The following CMSS1 variants were observed in gnomAD, a reference collection of about 807,000 sequenced individuals.
CMSS1 encodes the protein protein CMSS1.
CMSS1 carries 33 observed loss-of-function variants against 43.5 expected under a neutral mutation model. That is an observed-to-expected ratio of 0.76 (90% CI 0.57 to 1.01). CMSS1 has a LOEUF of 1.01. CMSS1 is among the 50% of genes least tolerant of loss of function. The probability of loss-of-function intolerance (pLI) is 0.00; values close to 1 mark genes in which losing one functional copy is unlikely to be tolerated. For synonymous variants in CMSS1, 115 were observed against 117.2 expected, an observed-to-expected ratio of 0.98 and a Z score of 0.12; for missense variants, 313 against 326.4, an observed-to-expected ratio of 0.96 and a Z score of 0.32.
In CMSS1 at chr3:100,043,424, C is replaced by T. The variant is rs146389850; in HGVS notation, c.65-103549C>T. Among the ~76,000 whole-genome samples, 523 of 152,302 alleles carry T rather than the reference C, an allele frequency of 3.4e-3. 3 individuals are homozygous for T. The highest frequency in any genetic ancestry group is 0.012 in the African/African-American group (481 of 41,560). ...TTGAGGCTTATAGCAGCTCAGCAGT[C>T]TCTAAGGTCTCTTTTCCCTCATCCA... On this transcript the variant is annotated intron_variant, in intron 1 of 9. Coordinates refer to ENST00000421999, the MANE Select transcript of CMSS1 (RefSeq NM_032359.4).
At chr3:100,091,500 T>C (rs1488706729) in intron 1 of CMSS1, among the ~76,000 whole-genome samples, 1 of 152,224 alleles carries the variant, frequency 6.6e-6, no homozygotes, top group East Asian at 1.9e-4. Context: ...TGCTGATAAA[T>C]GCTTTGCAGC....
intron 1 of CMSS1, among the ~76,000 whole-genome samples, chr3:99,997,542 A>C (rs1351341065): frequency 1.3e-5 from 2 of 152,148 alleles, no homozygotes; most frequent in African/African-American, 4.8e-5. Flanking sequence ...AAGCTTTTTC[A>C]ATTTTGCCAG....
intron 1 of CMSS1, among the ~76,000 whole-genome samples, chr3:100,116,564 G>T (rs1161299425): frequency 6.6e-6 from 1 of 152,226 alleles, no homozygotes; most frequent in Admixed American, 6.5e-5. Context: ...AAGATCTGGG[G>T]ATTGCGTGAG....
intron 1 of CMSS1, chr3:99,849,691 C>T (rs1576509945): frequency 6.2e-7 from 1 of 1,613,452 alleles, no homozygotes; most frequent in Non-Finnish European, 8.5e-7. Flanking sequence ...ATTAGCATAC[C>T]TTCGTTCTAG....
At chr3:99,921,346 C>G (rs1022689214) in intron 1 of CMSS1, among the ~76,000 whole-genome samples, 2 of 152,298 alleles carry the variant, frequency 1.3e-5, no homozygotes, top group East Asian at 1.9e-4. Flanking sequence ...TTTAATACTA[C>G]TTTGATGCAC....
chr3:100,013,930 T>C (rs979456521), intron 1 of CMSS1, among the ~76,000 whole-genome samples: 5 of 152,148 alleles, frequency 3.3e-5, no homozygotes, highest in African/African-American at 1.2e-4. Flanking sequence ...ACTGAAACTG[T>C]GTACCCTTTG....
chr3:99,952,043 C>T (rs888840441), intron 1 of CMSS1, among the ~76,000 whole-genome samples: 3 of 152,176 alleles, frequency 2.0e-5, no homozygotes, highest in South Asian at 2.1e-4. Context: ...TCCAGTGGAC[C>T]ATATGTAACT....
intron 1 of CMSS1, among the ~76,000 whole-genome samples, chr3:100,110,579 T>TA (rs910628552): frequency 6.6e-6 from 1 of 151,986 alleles, no homozygotes; most frequent in Non-Finnish European, 1.5e-5. Context: ...AGGAAGAACG[T>TA]AAAAAAAGAA....
chr3:99,937,021 T>A (rs1482592637), intron 1 of CMSS1, among the ~76,000 whole-genome samples: 1 of 152,156 alleles, frequency 6.6e-6, no homozygotes, highest in East Asian at 1.9e-4. Context: ...CACTGCAACC[T>A]CTGCCTCCAG....
intron 1 of CMSS1, among the ~76,000 whole-genome samples, chr3:100,135,422 C>A (rs2066743391): frequency 1.4e-5 from 2 of 138,192 alleles, no homozygotes; most frequent in Admixed American, 1.5e-4. Context: ...CCTGAGGAGC[C>A]TTTGTGTGTG....
intron 1 of CMSS1, among the ~76,000 whole-genome samples, chr3:100,135,393 C>G (rs2066743215): frequency 6.6e-6 from 1 of 151,156 alleles, no homozygotes; most frequent in Admixed American, 6.6e-5. Flanking sequence ...ACCTAAACCC[C>G]TGATGTGGAC....
chr3:100,101,389 G>A (rs2107457500), intron 1 of CMSS1, among the ~76,000 whole-genome samples: 1 of 152,280 alleles, frequency 6.6e-6, no homozygotes, highest in Middle Eastern at 3.4e-3. Flanking sequence ...GGGAGGAGCA[G>A]TCCAGCTTTG....
Position 99,924,178 on chromosome 3 carries a change from G to A in CMSS1, c.64+106135G>A, listed in dbSNP as rs1576575886. On this transcript the variant is annotated intron_variant, in intron 1 of 9. Transcript: ENST00000421999. ...TTGTATCCCTGAGACCTGGTACAGTGGCCAGCTCATAGATTGCAGAATGGG... is the reference window on the plus strand; with the variant it reads ...TTGTATCCCTGAGACCTGGTACAGTAGCCAGCTCATAGATTGCAGAATGGG... The A allele has an allele frequency of 9.6e-6, 14 of 1,461,940 alleles. No individual in the cohort carries two copies. The East Asian group carries it at 3.0e-4, about 31-fold the overall frequency. 90.6% of individuals were successfully genotyped at this position (1,461,940 alleles called of 1,614,324 possible).
intron 1 of CMSS1, among the ~76,000 whole-genome samples, chr3:100,141,869 G>A (rs1297793563): frequency 6.6e-6 from 1 of 152,166 alleles, no homozygotes; most frequent in Non-Finnish European, 1.5e-5. Context: ...AGTGGCACAG[G>A]CCCAGCTTAG....
chr3:100,090,654 T>C (rs2066088481), intron 1 of CMSS1, among the ~76,000 whole-genome samples: 1 of 152,170 alleles, frequency 6.6e-6, no homozygotes, highest in Admixed American at 6.5e-5. Context: ...GCATTTCCCA[T>C]TGCCTTTGAC....
intron 1 of CMSS1, among the ~76,000 whole-genome samples, chr3:99,992,134 G>A (rs1051815681): frequency 6.6e-6 from 1 of 151,704 alleles, no homozygotes; most frequent in African/African-American, 2.4e-5. Context: ...AAAAATACAA[G>A]TGCAGCTATC....
chr3:99,895,142 G>A (rs1425106173), intron 1 of CMSS1, among the ~76,000 whole-genome samples: 2 of 152,080 alleles, frequency 1.3e-5, no homozygotes, highest in Non-Finnish European at 2.9e-5. Flanking sequence ...CAACTCAGGT[G>A]TTCATAACCC....
chr3:100,036,266 G>GA (rs1036404204), intron 1 of CMSS1, among the ~76,000 whole-genome samples: 1 of 152,112 alleles, frequency 6.6e-6, no homozygotes, highest in African/African-American at 2.4e-5. Flanking sequence ...CCACTAAGAG[G>GA]AACAAAGCCT....
At chr3:100,050,448 T>G (rs1305218214) in intron 1 of CMSS1, among the ~76,000 whole-genome samples, 1 of 152,224 alleles carries the variant, frequency 6.6e-6, no homozygotes, top group Non-Finnish European at 1.5e-5. Context: ...CTTATCTGAT[T>G]ATGGTAAGAT....
Sources: allele counts gnomAD v4.1 joint callset (sites outside exome capture counted in the v4.1 genomes callset), GRCh38; gene constraint gnomAD v4.1.1; transcripts MANE v1.5; gene names NCBI Gene and HGNC (gene_info 2026-07-23, HGNC 2026-07-21).